ABCC6: variants seen among roughly 807,000 people sequenced by gnomAD.
ABCC6 encodes ATP-binding cassette sub-family C member 6.
In ABCC6, 126 loss-of-function variants were observed where a neutral mutation model predicts 169.5. That is an observed-to-expected ratio of 0.74 (90% confidence interval 0.64 to 0.86). ABCC6 has a LOEUF of 0.86. ABCC6 is among the 40% of genes least tolerant of loss of function. The pLI, the probability that ABCC6 is intolerant of heterozygous loss-of-function variation, is 0.00. For missense variants in ABCC6, 1,733 were observed against 1,927.2 expected (o/e 0.90, Z 1.89); for synonymous variants, 752 against 814.7 (o/e 0.92, Z 1.31).
chr16:16,192,250 A>G (rs2047886907), intron 11 of ABCC6, among the ~76,000 whole-genome samples: 1 of 151,988 alleles, frequency 6.6e-6, no homozygotes, highest in Non-Finnish European at 1.5e-5. Context: ...GGGGAAAGGC[A>G]GGGAAGGAGG....
In ABCC6 at chr16:16,165,092, G is replaced by A. The variant is rs11860746; in HGVS notation, c.3306+531C>T. ...AATTACGGCAGGATAAAAACATTAC[G>A]CGTGAAAGGCTCTGGCCCTTAATAT... On this transcript the variant is annotated intron_variant, in intron 23 of 30. Coordinates refer to ENST00000205557, the MANE Select transcript of ABCC6 (RefSeq NM_001171.6). Among the ~76,000 whole-genome samples, 1,146 of 152,296 alleles carry A rather than the reference G, an allele frequency of 7.5e-3. 17 individuals carry two copies. The highest frequency in any genetic ancestry group is 0.025 in the African/African-American group (1,035 of 41,570).
intron 4 of ABCC6, among the ~76,000 whole-genome samples, chr16:16,215,822 A>G (rs1445882290): frequency 6.6e-6 from 1 of 152,180 alleles, no homozygotes; most frequent in Non-Finnish European, 1.5e-5. Flanking sequence ...ACAGGCATGC[A>G]ATGCATAATA....
chr16:16,203,512 A>C lies in ABCC6; in HGVS notation c.896T>G (p.Leu299Arg). Reference protein sequence around the residue: ...LRQEGSQWRPLLKAIWQVFHS... With the variant: ...LRQEGSQWRPRLKAIWQVFHS... ...GAACACCTGCCAGATGGCCTTCAGC[A>C]GTGGGCGCCACTGGCTCCCTTCTTG... The change falls in exon 8 of 31, where the codon CTG becomes CGG. Residue 299 changes from leucine (L) to arginine (R), a missense_variant. Physicochemically the swap from Leu to Arg is moderately radical, Grantham distance 102. Transcript: ENST00000205557. The C allele has an allele frequency of 6.2e-7, 1 of 1,614,006 alleles. No individual in the cohort carries two copies. Among genetic ancestry groups the C allele is most frequent in the African/African-American group, 1.3e-5 (1 of 75,056 alleles).
At chr16:16,169,316 G>A (rs1156813928) in intron 22 of ABCC6, among the ~76,000 whole-genome samples, 1 of 152,108 alleles carries the variant, frequency 6.6e-6, no homozygotes, top group Non-Finnish European at 1.5e-5. Context: ...GAGTGATAGC[G>A]GTGATGCATT....
intron 7 of ABCC6, among the ~76,000 whole-genome samples, chr16:16,207,164 T>A (rs1367867797): frequency 6.6e-6 from 1 of 152,142 alleles, no homozygotes; most frequent in Non-Finnish European, 1.5e-5. Flanking sequence ...GTTTTGGTTC[T>A]CTCACACTAC....
intron 27 of ABCC6, among the ~76,000 whole-genome samples, chr16:16,156,516 G>C (rs1485116760): frequency 1.3e-5 from 2 of 152,206 alleles, no homozygotes; most frequent in African/African-American, 4.8e-5. Flanking sequence ...ATGAATGAGA[G>C]GGGGAGGTTG....
chr16:16,167,269 G>A (rs1206741692), intron 22 of ABCC6, among the ~76,000 whole-genome samples: 1 of 152,190 alleles, frequency 6.6e-6, no homozygotes, highest in Non-Finnish European at 1.5e-5. Context: ...GGTTGTTGGA[G>A]GTAGCCAAGC....
intron 26 of ABCC6, 90 bp from the exon 27 acceptor site, chr16:16,157,899 C>G: frequency 7.1e-7 from 1 of 1,399,590 alleles, no homozygotes. Flanking sequence ...GTTTTCTCTT[C>G]CGCAAAATGG....
At chr16:16,197,924 T>C in intron 10 of ABCC6, 97 bp downstream of exon 10, 1 of 1,363,568 alleles carries the variant, frequency 7.3e-7, no homozygotes, top group East Asian at 2.6e-5. Flanking sequence ...TCTTGAATGC[T>C]AAGTCAGGAG....
At chr16:16,202,989 G>A (rs2048291896) in intron 8 of ABCC6, among the ~76,000 whole-genome samples, 1 of 152,164 alleles carries the variant, frequency 6.6e-6, no homozygotes, top group Non-Finnish European at 1.5e-5. Flanking sequence ...CCTTTTGGAG[G>A]ATGGGGACCC....
intron 7 of ABCC6, among the ~76,000 whole-genome samples, chr16:16,205,197 G>C (rs1295123583): frequency 6.6e-6 from 1 of 152,110 alleles, no homozygotes; most frequent in Non-Finnish European, 1.5e-5. Context: ...GCTGGGATCA[G>C]CTCTTTACAC....
rs771260023 is a variant in ABCC6 at position 16,182,875 on chromosome 16, C to T, written c.1999G>A (p.Ala667Thr). 1.2e-6 allele frequency: 2 copies of T among 1,613,906 alleles called. No individual in the cohort carries two copies. The highest frequency in any genetic ancestry group is 1.3e-5 in the African/African-American group (1 of 74,880). ...GCGGACAGCAGGGAGGACTTCCCTG[C>T]CCCCACTGGACCGACAACAGCCAGC... ...CLLAVVGPVG[A>T]GKSSLLSALL... The change falls in exon 16 of 31, where the codon GCA becomes ACA. Residue 667 changes from alanine (A) to threonine (T), a missense_variant. Ala to Thr is a moderately conservative substitution (Grantham distance 58). Coordinates refer to ENST00000205557, the MANE Select transcript of ABCC6 (RefSeq NM_001171.6).
At chr16:16,193,484 C>T (rs781303302) in intron 10 of ABCC6, among the ~76,000 whole-genome samples, 25 of 152,050 alleles carry the variant, frequency 1.6e-4, no homozygotes, top group African/African-American at 3.1e-4. Context: ...AGGCCGGAGG[C>T]GGGCAGATCA....
In ABCC6 at chr16:16,157,675, G is replaced by GTGGA. The variant is rs1555507893; in HGVS notation, c.3866_3869dup (p.Ala1291ProfsTer31). ...GAGAACCACTCACCTTCTCTCCTGC[G>GTGGA]TGGATCTTGAAGGACACGCCCTGCA... On this transcript the variant is annotated frameshift_variant, in exon 27 of 31. Transcript: ENST00000205557. LOFTEE classifies it high-confidence loss of function. 6.2e-7 allele frequency: 1 copy of GTGGA among 1,614,080 alleles called. No homozygotes were observed. The highest frequency in any genetic ancestry group is 8.5e-7 in the Non-Finnish European group (1 of 1,179,996).
chr16:16,159,559 C>T lies in ABCC6; in HGVS notation c.3658G>A (p.Val1220Ile). ...LQVTQTLQWV[V>I]RNWTDLENSI... is the part of the protein sequence containing the mutation. ...TTCTCTAGGTCTGTCCAGTTGCGAA[C>T]AACCCACTGCAGTGTCTGGGTCACC... Residue 1220 changes from valine (V) to isoleucine (I), a missense_variant, in exon 26 of 31, where the codon GTT becomes ATT. By Grantham distance (29) the Val-to-Ile change is conservative (BLOSUM62 3). Coordinates refer to ENST00000205557, the MANE Select transcript of ABCC6 (RefSeq NM_001171.6). The T allele has an allele frequency of 6.2e-7, 1 of 1,614,166 alleles. No homozygotes were observed. The highest frequency in any genetic ancestry group is 8.5e-7 in the Non-Finnish European group (1 of 1,180,024).
chr16:16,208,172 T>C (rs1645999632), intron 7 of ABCC6, among the ~76,000 whole-genome samples: 1 of 151,948 alleles, frequency 6.6e-6, no homozygotes, highest in African/African-American at 2.4e-5. Context: ...CATTTCCCCA[T>C]TTGTAGGAAC....
At chr16:16,200,859 G>A (rs1233901994) in intron 9 of ABCC6, among the ~76,000 whole-genome samples, 1 of 151,340 alleles carries the variant, frequency 6.6e-6, no homozygotes, top group Non-Finnish European at 1.5e-5. Context: ...TCCCAGGAAC[G>A]GACAAGAGCC....
Position 16,168,082 on chromosome 16 carries a change from C to T in ABCC6, c.2995+1564G>A, listed in dbSNP as rs191954890. 2.1e-4 allele frequency among the ~76,000 whole-genome samples: 32 copies of T among 152,346 alleles called. No homozygotes were observed. The East Asian group carries it at 4.8e-3, about 23-fold the overall frequency. ...GACTAGAAGAGTCCTCAAGTTCAGG[C>T]CTGGCGCCCCCTATTTTACAGGGGA... On this transcript the variant is annotated intron_variant, in intron 22 of 30. Transcript: ENST00000205557.
intron 16 of ABCC6, 34 bp downstream of exon 16, chr16:16,182,770 G>T: frequency 1.2e-6 from 2 of 1,613,276 alleles, no homozygotes. Context: ...TCAGGATGGG[G>T]ACATCCTAGC....
Sources: allele counts gnomAD v4.1 joint callset (sites outside exome capture counted in the v4.1 genomes callset), GRCh38; gene constraint gnomAD v4.1.1; transcripts MANE v1.5; gene names NCBI Gene and HGNC (gene_info 2026-07-23, HGNC 2026-07-21).